AKAP6: variants seen among roughly 807,000 people sequenced by gnomAD.
AKAP6 encodes the protein A-kinase anchor protein 6.
AKAP6 carries 58 observed loss-of-function variants against 188.5 expected under a neutral mutation model. The ratio of observed to expected loss-of-function variants is 0.31; its 90% CI spans 0.25 to 0.38. The LOEUF (loss-of-function observed/expected upper bound fraction) is 0.38. Among genes scored for constraint, AKAP6 ranks in the 10% least tolerant of loss-of-function variants. The pLI, the probability that AKAP6 is intolerant of heterozygous loss-of-function variation, is 1.00. For synonymous variants in AKAP6, 989 were observed against 998.6 expected, an observed-to-expected ratio of 0.99 and a Z score of 0.18; for missense variants, 2,710 against 2,740.0, an observed-to-expected ratio of 0.99 and a Z score of 0.24.
intron 12 of AKAP6, among the ~76,000 whole-genome samples, chr14:32,778,586 G>T (rs2033140882): frequency 6.6e-6 from 1 of 151,720 alleles, no homozygotes. Context: ...TTACTCTGTT[G>T]CTCAGGCTAC....
intron 1 of AKAP6, chr14:32,433,046 G>A (rs79187523): frequency 0.018 from 3,042 of 171,126 alleles, 44 homozygotes; most frequent in Non-Finnish European, 0.026. Context: ...TCCTAATTGA[G>A]TCAGCTCCCT....
At chr14:32,784,389 T>A (rs2033341299) in intron 12 of AKAP6, among the ~76,000 whole-genome samples, 1 of 152,186 alleles carries the variant, frequency 6.6e-6, no homozygotes, top group Non-Finnish European at 1.5e-5. Flanking sequence ...AATGCCATCT[T>A]AACAAACCTC....
intron 1 of AKAP6, among the ~76,000 whole-genome samples, chr14:32,345,629 C>T (rs1042803270): frequency 6.6e-6 from 1 of 152,186 alleles, no homozygotes; most frequent in Non-Finnish European, 1.5e-5. Context: ...GTGGAGTCAG[C>T]CACAGTAAGC....
intron 2 of AKAP6, among the ~76,000 whole-genome samples, chr14:32,515,475 T>G (rs1881473011): frequency 6.6e-6 from 1 of 152,110 alleles, no homozygotes. Flanking sequence ...TTTACAAGGT[T>G]TTTCAGAGAT....
At chr14:32,427,596 GT>G (rs1418420854) in intron 1 of AKAP6, among the ~76,000 whole-genome samples, 1 of 152,136 alleles carries the variant, frequency 6.6e-6, no homozygotes, top group Non-Finnish European at 1.5e-5. Context: ...TATTAAATTT[GT>G]TTTTGTGTTT....
intron 11 of AKAP6, among the ~76,000 whole-genome samples, chr14:32,751,659 C>A (rs1263767711): frequency 7.0e-6 from 1 of 143,680 alleles, no homozygotes; most frequent in Non-Finnish European, 1.5e-5. Context: ...TTGAATCTCC[C>A]AGATCTTGCC....
chr14:32,599,753 T>C lies in AKAP6; in HGVS notation c.2566+247T>C, dbSNP rs368660941. Among the ~76,000 whole-genome samples, 57 of 152,334 alleles carry C rather than the reference T, an allele frequency of 3.7e-4. No homozygotes were observed. The South Asian group carries it at 0.012, about 32-fold the overall frequency. On this transcript the variant is annotated intron_variant, in intron 6 of 13. Coordinates refer to ENST00000280979, the MANE Select transcript of AKAP6 (RefSeq NM_004274.5). The stretch of plus-strand genomic sequence containing the variant: ...GGGCTGCCGTTTGCCTGAGTTTCAA[T>C]TGAAATTACATTCTTGAAAACTTCA...
intron 2 of AKAP6, among the ~76,000 whole-genome samples, chr14:32,501,796 A>G (rs1378894413): frequency 2.6e-5 from 4 of 151,466 alleles, no homozygotes; most frequent in South Asian, 2.1e-4. Context: ...TTGTCCTTCA[A>G]CCTCCCCTTT....
At chr14:32,628,176 G>C (rs984748941) in intron 7 of AKAP6, 1 of 152,096 alleles carries the variant, frequency 6.6e-6, no homozygotes, top group Non-Finnish European at 1.5e-5. Context: ...GTGTTGCCAG[G>C]TTTCTCAGTG....
At chr14:32,673,841 T>A (rs775203336) in intron 7 of AKAP6, among the ~76,000 whole-genome samples, 26 of 152,160 alleles carry the variant, frequency 1.7e-4, no homozygotes, top group Non-Finnish European at 3.1e-4. Context: ...GTACTGGGAA[T>A]GCAAAATGGC....
At chr14:32,697,460 A>G (rs1322733217) in intron 9 of AKAP6, among the ~76,000 whole-genome samples, 1 of 152,202 alleles carries the variant, frequency 6.6e-6, no homozygotes, top group East Asian at 1.9e-4. Flanking sequence ...AATTTAACAA[A>G]AACTAGATGA....
intron 7 of AKAP6, among the ~76,000 whole-genome samples, chr14:32,623,308 G>A (rs1214656788): frequency 6.6e-6 from 1 of 152,040 alleles, no homozygotes; most frequent in Admixed American, 6.6e-5. Context: ...CATGTATTTA[G>A]AGATCTAGAA....
At chr14:32,586,933 A>G (rs1210367508) in intron 5 of AKAP6, among the ~76,000 whole-genome samples, 4 of 152,256 alleles carry the variant, frequency 2.6e-5, no homozygotes, top group African/African-American at 7.2e-5. Flanking sequence ...AAGCTTAAGC[A>G]TATTTAAATT....
chr14:32,723,062 C>T (rs1001554407), intron 9 of AKAP6, among the ~76,000 whole-genome samples: 1 of 152,194 alleles, frequency 6.6e-6, no homozygotes, highest in Non-Finnish European at 1.5e-5. Flanking sequence ...CTCCTGCACC[C>T]GCTCACCTGC....
intron 1 of AKAP6, among the ~76,000 whole-genome samples, chr14:32,407,819 G>A (rs1478837102): frequency 6.6e-6 from 1 of 152,166 alleles, no homozygotes; most frequent in East Asian, 1.9e-4. Flanking sequence ...TTCTGGATTA[G>A]GATGTATCAA....
intron 2 of AKAP6, among the ~76,000 whole-genome samples, chr14:32,443,391 T>TCAAAA (rs66955669): frequency 1.7e-5 from 2 of 115,268 alleles, no homozygotes; most frequent in Non-Finnish European, 3.1e-5. Context: ...AGACTCCATC[T>TCAAAA]CAAAACAAAA....
At chr14:32,783,716 A>G (rs1178513667) in intron 12 of AKAP6, among the ~76,000 whole-genome samples, 1 of 152,164 alleles carries the variant, frequency 6.6e-6, no homozygotes, top group African/African-American at 2.4e-5. Context: ...TTTACGTGCC[A>G]TTATCCTCTA....
chr14:32,674,590 A>G (rs763846661), intron 7 of AKAP6, among the ~76,000 whole-genome samples: 17 of 152,172 alleles, frequency 1.1e-4, no homozygotes, highest in Non-Finnish European at 2.2e-4. Flanking sequence ...AGACAGTACC[A>G]TTTGTTTAAA....
chr14:32,610,118 T>C (rs558449637), intron 7 of AKAP6, among the ~76,000 whole-genome samples: 37 of 152,142 alleles, frequency 2.4e-4, no homozygotes, highest in Non-Finnish European at 4.1e-4. Flanking sequence ...GCTTGTTCAT[T>C]CTTCCCAACA....
Sources: allele counts gnomAD v4.1 joint callset (sites outside exome capture counted in the v4.1 genomes callset), GRCh38; gene constraint gnomAD v4.1.1; transcripts MANE v1.5; gene names NCBI Gene and HGNC (gene_info 2026-07-23, HGNC 2026-07-21).